Variants in KCNQ5 observed in about 807,000 individuals in gnomAD.
The protein encoded by KCNQ5 is potassium voltage-gated channel subfamily Q member 5, also known as potassium voltage-gated channel subfamily KQT member 5.
A neutral mutation model predicts 98.2 loss-of-function variants in KCNQ5; 30 were observed. The ratio of observed to expected loss-of-function variants is 0.31; its 90% confidence interval spans 0.23 to 0.41. KCNQ5 has a LOEUF of 0.41. KCNQ5 is among the 10% of genes least tolerant of loss of function. The probability of loss-of-function intolerance (pLI) is 1.00; values close to 1 mark genes in which losing one functional copy is unlikely to be tolerated. For missense variants in KCNQ5, 835 were observed against 1,182.5 expected (o/e 0.71, Z 4.31); for synonymous variants, 458 against 449.4 (o/e 1.02, Z -0.24).
chr6:72,901,322 G>A (rs1020413832), intron 1 of KCNQ5, among the ~76,000 whole-genome samples: 3 of 151,966 alleles, frequency 2.0e-5, no homozygotes, highest in African/African-American at 4.8e-5. Flanking sequence ...TCTGCTTACT[G>A]TTCCTTTTGT....
chr6:73,168,365 C>T (rs1777881794), intron 10 of KCNQ5, among the ~76,000 whole-genome samples: 1 of 152,190 alleles, frequency 6.6e-6, no homozygotes. Flanking sequence ...AGTATTAGTC[C>T]TCTAGTGTAT....
chr6:72,784,136 G>A (rs6900269), intron 1 of KCNQ5, among the ~76,000 whole-genome samples: 1,720 of 152,098 alleles, frequency 0.011, 26 homozygotes, highest in African/African-American at 0.038. Flanking sequence ...GCCAAGGGTC[G>A]GGTACACATT....
intron 1 of KCNQ5, among the ~76,000 whole-genome samples, chr6:72,730,044 C>T (rs576155032): frequency 2.6e-5 from 4 of 152,234 alleles, no homozygotes; most frequent in African/African-American, 9.6e-5. Context: ...GTACTCCTAG[C>T]TACTCAGAAG....
chr6:72,939,703 C>G (rs1766133794), intron 1 of KCNQ5, among the ~76,000 whole-genome samples: 1 of 152,142 alleles, frequency 6.6e-6, no homozygotes, highest in South Asian at 2.1e-4. Flanking sequence ...GCCTTATTAT[C>G]TACTTAAACT....
At chr6:73,002,347 G>A (rs936140006) in intron 1 of KCNQ5, among the ~76,000 whole-genome samples, 1 of 152,098 alleles carries the variant, frequency 6.6e-6, no homozygotes, top group Non-Finnish European at 1.5e-5. Flanking sequence ...TAGAGGCTTA[G>A]ACTACACAGT....
intron 5 of KCNQ5, among the ~76,000 whole-genome samples, chr6:73,095,918 T>C (rs570211631): frequency 1.3e-5 from 2 of 152,288 alleles, no homozygotes; most frequent in Non-Finnish European, 2.9e-5. Context: ...GACACACTAG[T>C]GGGCAATTTA....
chr6:72,981,385 G>C (rs1768439980), intron 1 of KCNQ5, among the ~76,000 whole-genome samples: 1 of 152,068 alleles, frequency 6.6e-6, no homozygotes, highest in African/African-American at 2.4e-5. Context: ...GTTTAGTCTT[G>C]GGAGGGTGTA....
At chr6:73,178,646 C>T (rs1778301746) in intron 11 of KCNQ5, among the ~76,000 whole-genome samples, 1 of 151,930 alleles carries the variant, frequency 6.6e-6, no homozygotes, top group Non-Finnish European at 1.5e-5. Context: ...TTACATTTCT[C>T]TATCAAGAGT....
intron 1 of KCNQ5, among the ~76,000 whole-genome samples, chr6:72,781,018 C>G (rs887458204): frequency 1.3e-5 from 2 of 152,116 alleles, no homozygotes; most frequent in African/African-American, 4.8e-5. Flanking sequence ...AATAATCATT[C>G]AAATAGTGTC....
intron 1 of KCNQ5, among the ~76,000 whole-genome samples, chr6:72,673,440 C>T (rs529000818): frequency 2.6e-4 from 39 of 152,094 alleles, no homozygotes; most frequent in Admixed American, 9.2e-4. Flanking sequence ...ATATTGTTTA[C>T]TGAGTATAGT....
intron 3 of KCNQ5, among the ~76,000 whole-genome samples, chr6:73,069,600 A>T (rs1477388549): frequency 1.3e-5 from 2 of 152,080 alleles, no homozygotes; most frequent in African/African-American, 4.8e-5. Flanking sequence ...TAAACAGACT[A>T]CTAGTATAAT....
At chr6:72,868,785 G>A (rs1237519876) in intron 1 of KCNQ5, among the ~76,000 whole-genome samples, 3 of 152,208 alleles carry the variant, frequency 2.0e-5, no homozygotes, top group African/African-American at 7.2e-5. Context: ...TGCGGAAGGT[G>A]AGGCAGCCCC....
At chr6:72,690,963 T>C (rs1213952970) in intron 1 of KCNQ5, among the ~76,000 whole-genome samples, 1 of 152,146 alleles carries the variant, frequency 6.6e-6, no homozygotes, top group Non-Finnish European at 1.5e-5. Flanking sequence ...AATTGTTATA[T>C]ATCAGAAAAC....
At chr6:73,029,612 AG>A (rs955153305) in intron 2 of KCNQ5, among the ~76,000 whole-genome samples, 3 of 151,792 alleles carry the variant, frequency 2.0e-5, no homozygotes, top group African/African-American at 7.3e-5. Context: ...ATCTCTGATC[AG>A]GCCCTTCATC....
intron 1 of KCNQ5, among the ~76,000 whole-genome samples, chr6:72,686,717 G>GTTT (rs1554688157): frequency 2.3e-4 from 22 of 97,414 alleles, no homozygotes; most frequent in South Asian, 6.7e-4. Flanking sequence ...TTTATGGGTT[G>GTTT]TTTTTTTTTT....
intron 3 of KCNQ5, among the ~76,000 whole-genome samples, chr6:73,063,428 T>G (rs1211553160): frequency 1.3e-5 from 2 of 152,152 alleles, no homozygotes; most frequent in Non-Finnish European, 2.9e-5. Context: ...TCTGGGACAC[T>G]CTTTCTTTCC....
intron 1 of KCNQ5, among the ~76,000 whole-genome samples, chr6:72,930,065 T>C (rs1765620072): frequency 6.6e-6 from 1 of 152,072 alleles, no homozygotes; most frequent in Admixed American, 6.6e-5. Flanking sequence ...TTAGTGTTTG[T>C]CCCACTTTAT....
chr6:73,029,791 G>A (rs1047460332), intron 2 of KCNQ5, among the ~76,000 whole-genome samples: 3 of 151,336 alleles, frequency 2.0e-5, no homozygotes. Context: ...AAATTAGCTG[G>A]GCGTAGCTAC....
chr6:72,857,214 T>TA (rs1225608156), intron 1 of KCNQ5, among the ~76,000 whole-genome samples: 1 of 152,222 alleles, frequency 6.6e-6, no homozygotes, highest in Non-Finnish European at 1.5e-5. Context: ...ATAAAGCACT[T>TA]ATTCTCTAGG....
Sources: allele counts gnomAD v4.1 joint callset (sites outside exome capture counted in the v4.1 genomes callset), GRCh38; gene constraint gnomAD v4.1.1; transcripts MANE v1.5; gene names NCBI Gene and HGNC (gene_info 2026-07-23, HGNC 2026-07-21).